Variants in GRK5 observed in about 807,000 individuals in gnomAD.
GRK5 encodes the protein G protein-coupled receptor kinase 5.
In GRK5, 40 loss-of-function variants were observed where a neutral mutation model predicts 78.4. That is an observed-to-expected ratio of 0.51 (90% CI 0.40 to 0.66). The LOEUF is 0.66. Ranked by LOEUF, GRK5 falls within the 30% of genes least tolerant of loss-of-function variation. The probability of loss-of-function intolerance (pLI) is 0.00; values close to 1 mark genes in which losing one functional copy is unlikely to be tolerated. For missense variants in GRK5, 598 were observed against 759.9 expected (o/e 0.79, Z 2.50); for synonymous variants, 289 against 296.8 (o/e 0.97, Z 0.27).
chr10:119,254,386 A>ATT (rs368285997), intron 1 of GRK5, among the ~76,000 whole-genome samples: 3 of 147,936 alleles, frequency 2.0e-5, no homozygotes, highest in African/African-American at 7.4e-5. Context: ...TAAGTTTTAG[A>ATT]TTTTTTTTTT....
chr10:119,313,601 G>C (rs774799554), intron 1 of GRK5, among the ~76,000 whole-genome samples: 1 of 152,138 alleles, frequency 6.6e-6, no homozygotes, highest in African/African-American at 2.4e-5. Context: ...GCAGTGGACG[G>C]TTGTGTCCTG....
At chr10:119,384,669 C>A (rs1851763697) in intron 3 of GRK5, among the ~76,000 whole-genome samples, 1 of 151,780 alleles carries the variant, frequency 6.6e-6, no homozygotes, top group Non-Finnish European at 1.5e-5. Flanking sequence ...AATCCTCAGC[C>A]CACAGTGCCA....
chr10:119,215,207 C>T (rs1451322447), intron 1 of GRK5, among the ~76,000 whole-genome samples: 1 of 152,188 alleles, frequency 6.6e-6, no homozygotes, highest in Non-Finnish European at 1.5e-5. Flanking sequence ...GTTCCTGAAG[C>T]ATGCAAACCA....
intron 1 of GRK5, among the ~76,000 whole-genome samples, chr10:119,224,689 C>T (rs1848707612): frequency 6.6e-6 from 1 of 152,206 alleles, no homozygotes; most frequent in Non-Finnish European, 1.5e-5. Flanking sequence ...GCTAGGATTA[C>T]AGGCGTGAGC....
At chr10:119,399,351 A>T in intron 4 of GRK5, among the ~76,000 whole-genome samples, 1 of 152,210 alleles carries the variant, frequency 6.6e-6, no homozygotes, top group East Asian at 1.9e-4. Context: ...CACGTGCCCC[A>T]GTGCCCCAGA....
intron 1 of GRK5, among the ~76,000 whole-genome samples, chr10:119,312,443 G>C (rs1165170017): frequency 5.9e-5 from 9 of 152,172 alleles, no homozygotes; most frequent in Admixed American, 5.9e-4. Flanking sequence ...GAGACCAGCT[G>C]CACCTCGAGA....
chr10:119,420,202 A>G (rs1245299129), intron 4 of GRK5, among the ~76,000 whole-genome samples: 1 of 152,216 alleles, frequency 6.6e-6, no homozygotes, highest in African/African-American at 2.4e-5. Flanking sequence ...TAATGAAGCA[A>G]TGTGTTTAGC....
intron 1 of GRK5, among the ~76,000 whole-genome samples, chr10:119,298,507 C>T (rs1032068655): frequency 2.6e-5 from 4 of 152,148 alleles, no homozygotes; most frequent in African/African-American, 4.8e-5. Flanking sequence ...AGGGTGTTCT[C>T]GGCATCTCAA....
At position 119,225,796 on chromosome 10, in the gene GRK5, G is replaced by A. The variant is rs144568782; in HGVS notation, c.52+17827G>A. 9.8e-3 allele frequency among the ~76,000 whole-genome samples: 1,462 copies of A among 148,454 alleles called. 22 individuals are homozygous for A. Among genetic ancestry groups the A allele is most frequent in the African/African-American group, 0.034 (1,376 of 39,948 alleles). ...AGCAATTCTCCTGTCTCAGCCTCCTGAGTAGCTGGGACTACAGGCATGCAC... is the reference window on the plus strand; with the variant it reads ...AGCAATTCTCCTGTCTCAGCCTCCTAAGTAGCTGGGACTACAGGCATGCAC... On this transcript the variant is annotated intron_variant, in intron 1 of 15. Transcript: ENST00000392870.
Position 119,336,994 on chromosome 10 carries a change from C to T in GRK5, c.148+10383C>T, listed in dbSNP as rs939154232. ...GCTCAGGCACATGCAAGATGCCCAG[C>T]GATACTGTCCGTGGGTTTCTTGTTT... On this transcript the variant is annotated intron_variant, in intron 2 of 15. Coordinates refer to ENST00000392870, the MANE Select transcript of GRK5 (RefSeq NM_005308.3). This position sits in a 1 kb window ranked among gnomAD's most constrained non-coding sequence, Gnocchi z 4.5. Among the ~76,000 whole-genome samples the T allele has an allele frequency of 2.0e-4, 31 of 152,088 alleles. No homozygotes were observed. Among genetic ancestry groups the T allele is most frequent in the African/African-American group, 6.5e-4 (27 of 41,402 alleles).
intron 12 of GRK5, among the ~76,000 whole-genome samples, chr10:119,446,924 G>T (rs541143488): frequency 1.3e-5 from 2 of 152,238 alleles, no homozygotes; most frequent in Non-Finnish European, 2.9e-5. Flanking sequence ...TGAGCAAAGC[G>T]CACAGGGCAT....
chr10:119,442,183 C>T, intron 11 of GRK5, 95 bp downstream of exon 11: 2 of 937,732 alleles, frequency 2.1e-6, no homozygotes, highest in Non-Finnish European at 1.7e-6. Context: ...AGCCTCTCGC[C>T]TCTTCATGCA....
At chr10:119,424,858 TCTGGCCAGAC>T in intron 5 of GRK5, 125 bp from the exon 6 acceptor site, 1 of 673,416 alleles carries the variant, frequency 1.5e-6, no homozygotes, top group Non-Finnish European at 2.7e-6. Context: ...TGGCAGGACC[TCTGGCCAGAC>T]GTGCTGCATC....
intron 10 of GRK5, among the ~76,000 whole-genome samples, chr10:119,440,025 A>G (rs771393285): frequency 6.6e-6 from 1 of 152,202 alleles, no homozygotes; most frequent in African/African-American, 2.4e-5. Flanking sequence ...AAGTGTTAAA[A>G]TAACTTCTGG....
At chr10:119,275,611 TCG>T (rs1554901477) in intron 1 of GRK5, among the ~76,000 whole-genome samples, 14 of 123,912 alleles carry the variant, frequency 1.1e-4, no homozygotes, top group East Asian at 2.1e-4. Flanking sequence ...TCTCTCTCTC[TCG>T]CACACACACA....
intron 2 of GRK5, among the ~76,000 whole-genome samples, chr10:119,331,005 C>T (rs1452618297): frequency 6.6e-6 from 1 of 152,190 alleles, no homozygotes; most frequent in Non-Finnish European, 1.5e-5. Flanking sequence ...CCAGGCATTG[C>T]CCTGGGAGCA....
In GRK5 at chr10:119,454,207, G is replaced by C. The variant is rs528417608; in HGVS notation, c.1675-762G>C. ...AGAATGACCTCTCCCTCCCCTGATG[G>C]CCAGGCATGCTAAGAACACCCTGGG... On this transcript the variant is annotated intron_variant, in intron 15 of 15. Transcript: ENST00000392870. 1.5e-4 allele frequency among the ~76,000 whole-genome samples: 23 copies of C among 152,300 alleles called. No homozygotes were observed. In the South Asian group the frequency reaches 4.8e-3, roughly 32 times the overall value.
At chr10:119,219,744 T>G (rs1191036924) in intron 1 of GRK5, among the ~76,000 whole-genome samples, 1 of 152,192 alleles carries the variant, frequency 6.6e-6, no homozygotes, top group Non-Finnish European at 1.5e-5. Context: ...TTTGTTTTAG[T>G]CGTTTTGGAA....
intron 1 of GRK5, among the ~76,000 whole-genome samples, chr10:119,251,923 T>G (rs891715185): frequency 6.6e-6 from 1 of 152,234 alleles, no homozygotes; most frequent in African/African-American, 2.4e-5. Context: ...TTCTCCGCCC[T>G]GTGCATATCC....
Sources: allele counts gnomAD v4.1 joint callset (sites outside exome capture counted in the v4.1 genomes callset), GRCh38; gene constraint gnomAD v4.1.1; non-coding constraint Gnocchi (gnomAD v3.1); transcripts MANE v1.5; gene names NCBI Gene and HGNC (gene_info 2026-07-23, HGNC 2026-07-21).